TBC1D5: variants seen among roughly 807,000 people sequenced by gnomAD.
The protein encoded by TBC1D5 is TBC1 domain family member 5, also known as TBC1 domain family, member 5.
TBC1D5 carries 75 observed loss-of-function variants against 100.3 expected under a neutral mutation model. The observed-to-expected ratio is 0.75, with a 90% CI of 0.62 to 0.91. The LOEUF is 0.91. TBC1D5 is among the 40% of genes least tolerant of loss of function. The probability of loss-of-function intolerance (pLI) is 0.00; values close to 1 mark genes in which losing one functional copy is unlikely to be tolerated. For synonymous variants in TBC1D5, 323 were observed against 325.6 expected (o/e 0.99, Z 0.09); for missense variants, 910 against 942.4 (o/e 0.97, Z 0.45).
intron 2 of TBC1D5, among the ~76,000 whole-genome samples, chr3:17,606,446 A>G (rs558824156): frequency 6.6e-6 from 1 of 152,198 alleles, no homozygotes; most frequent in African/African-American, 2.4e-5. Context: ...AACCCCGTCC[A>G]AAAAAAGAAA....
At chr3:17,550,617 A>G (rs955322537) in intron 2 of TBC1D5, among the ~76,000 whole-genome samples, 16 of 152,266 alleles carry the variant, frequency 1.1e-4, no homozygotes, top group African/African-American at 2.9e-4. Flanking sequence ...GAAGCACTCT[A>G]ATCTACAATG....
chr3:17,528,061 G>T (rs140733684), intron 2 of TBC1D5, among the ~76,000 whole-genome samples: 3 of 151,908 alleles, frequency 2.0e-5, no homozygotes, highest in African/African-American at 7.3e-5. Context: ...TTTTAGGGGG[G>T]GCTGGGAGGG....
At chr3:17,205,823 G>C (rs904425595) in intron 18 of TBC1D5, among the ~76,000 whole-genome samples, 5 of 152,148 alleles carry the variant, frequency 3.3e-5, no homozygotes, top group Admixed American at 2.0e-4. Context: ...GAGAGAACAC[G>C]ATGAGAGCAA....
intron 4 of TBC1D5, among the ~76,000 whole-genome samples, chr3:17,413,278 T>G (rs926987820): frequency 6.6e-6 from 1 of 152,212 alleles, no homozygotes; most frequent in South Asian, 2.1e-4. Context: ...AGAAGGACTC[T>G]GAGCTTACTG....
intron 13 of TBC1D5, among the ~76,000 whole-genome samples, chr3:17,352,199 C>T (rs1012894388): frequency 1.3e-5 from 2 of 151,980 alleles, no homozygotes; most frequent in African/African-American, 4.8e-5. Flanking sequence ...ATCTATTTCA[C>T]GTAGGTCTAT....
intron 2 of TBC1D5, among the ~76,000 whole-genome samples, chr3:17,611,202 T>C (rs1025834681): frequency 6.6e-6 from 1 of 152,132 alleles, no homozygotes; most frequent in Non-Finnish European, 1.5e-5. Flanking sequence ...GGGGAGGGAT[T>C]AGAACTTATA....
At chr3:17,373,342 T>C (rs2092559750) in intron 12 of TBC1D5, among the ~76,000 whole-genome samples, 1 of 152,088 alleles carries the variant, frequency 6.6e-6, no homozygotes, top group South Asian at 2.1e-4. Flanking sequence ...TATACCAATA[T>C]AAAGGAAATA....
At chr3:17,364,490 T>A (rs975221690) in intron 13 of TBC1D5, among the ~76,000 whole-genome samples, 6 of 152,228 alleles carry the variant, frequency 3.9e-5, no homozygotes, top group Admixed American at 3.3e-4. Flanking sequence ...TTTATGACTA[T>A]ACAAGGCTAT....
intron 3 of TBC1D5, among the ~76,000 whole-genome samples, chr3:17,434,239 T>C (rs2094495750): frequency 6.6e-6 from 1 of 152,196 alleles, no homozygotes; most frequent in African/African-American, 2.4e-5. Context: ...CAACCCCACA[T>C]TTCCCTTCCA....
At chr3:17,651,323 C>T (rs6807020) in intron 1 of TBC1D5, among the ~76,000 whole-genome samples, 1 of 151,932 alleles carries the variant, frequency 6.6e-6, no homozygotes, top group Admixed American at 6.5e-5. Flanking sequence ...AACAGCTTTA[C>T]GATCAATAAG....
chr3:17,418,370 G>A (rs1194189034), intron 4 of TBC1D5, among the ~76,000 whole-genome samples: 1 of 152,108 alleles, frequency 6.6e-6, no homozygotes, highest in Non-Finnish European at 1.5e-5. Flanking sequence ...CACTTTGGGA[G>A]GCTGAGGTGG....
At chr3:17,734,867 C>A (rs1014425912) in intron 1 of TBC1D5, among the ~76,000 whole-genome samples, 1 of 151,908 alleles carries the variant, frequency 6.6e-6, no homozygotes, top group Non-Finnish European at 1.5e-5. Context: ...GGGAGGATAG[C>A]TTGAGCCCCG....
chr3:17,237,272 A>G (rs2075935763), intron 17 of TBC1D5, among the ~76,000 whole-genome samples: 1 of 152,232 alleles, frequency 6.6e-6, no homozygotes, highest in Non-Finnish European at 1.5e-5. Context: ...TTTGCCATCA[A>G]GATACAACTT....
intron 2 of TBC1D5, among the ~76,000 whole-genome samples, chr3:17,515,407 A>G (rs2095971877): frequency 6.6e-6 from 1 of 152,202 alleles, no homozygotes; most frequent in Non-Finnish European, 1.5e-5. Flanking sequence ...AATAATAACA[A>G]CAGCAGCAAA....
At chr3:17,740,187 G>A (rs1454826086) in exon 1 of TBC1D5, 1 of 151,884 alleles carries the variant, frequency 6.6e-6, no homozygotes, top group African/African-American at 2.4e-5. Flanking sequence ...AATTAGTCGG[G>A]AGTGGTGGCG....
At chr3:17,610,025 C>T (rs1320156814) in intron 2 of TBC1D5, among the ~76,000 whole-genome samples, 2 of 152,226 alleles carry the variant, frequency 1.3e-5, no homozygotes, top group African/African-American at 4.8e-5. Flanking sequence ...TCTGTACATT[C>T]AGATTCAAGC....
intron 3 of TBC1D5, among the ~76,000 whole-genome samples, chr3:17,487,276 C>G (rs1294857927): frequency 2.6e-5 from 4 of 152,118 alleles, no homozygotes; most frequent in African/African-American, 9.7e-5. Context: ...TGACATTTGA[C>G]AGGTATACTA....
chr3:17,345,192 G>C (rs1161169709), intron 13 of TBC1D5, among the ~76,000 whole-genome samples: 3 of 151,926 alleles, frequency 2.0e-5, no homozygotes, highest in Non-Finnish European at 4.4e-5. Flanking sequence ...CTAATATCCA[G>C]AATCTACAAT....
At chr3:17,260,512 T>C (rs939213560) in intron 15 of TBC1D5, among the ~76,000 whole-genome samples, 1 of 152,092 alleles carries the variant, frequency 6.6e-6, no homozygotes, top group Non-Finnish European at 1.5e-5. Context: ...GACTTACTGG[T>C]ATCAAAGGGA....
Sources: allele counts gnomAD v4.1 joint callset (sites outside exome capture counted in the v4.1 genomes callset), GRCh38; gene constraint gnomAD v4.1.1; transcripts MANE v1.5; gene names NCBI Gene and HGNC (gene_info 2026-07-23, HGNC 2026-07-21).